TENM2: variants seen among roughly 807,000 people sequenced by gnomAD.
TENM2 encodes the protein teneurin-2.
TENM2 carries 52 observed loss-of-function variants against 245.2 expected under a neutral mutation model. The ratio of observed to expected loss-of-function variants is 0.21; its 90% CI spans 0.17 to 0.27. TENM2 has a LOEUF of 0.27. TENM2 is among the 10% of genes least tolerant of loss of function. TENM2 has a pLI of 1.00. For synonymous variants in TENM2, 1,363 were observed against 1,438.9 expected, an observed-to-expected ratio of 0.95 and a Z score of 1.19; for missense variants, 3,046 against 3,666.8, an observed-to-expected ratio of 0.83 and a Z score of 4.37.
At chr5:167,440,680 T>G (rs1764827017) in intron 2 of TENM2, among the ~76,000 whole-genome samples, 1 of 152,140 alleles carries the variant, frequency 6.6e-6, no homozygotes, top group Non-Finnish European at 1.5e-5. Flanking sequence ...CTTTTAATTT[T>G]CTTTTCCTTA....
intron 13 of TENM2, among the ~76,000 whole-genome samples, chr5:168,170,510 AAGAGAG>A (rs952342838): frequency 1.3e-5 from 2 of 151,210 alleles, no homozygotes; most frequent in Non-Finnish European, 3.0e-5. Flanking sequence ...CCATCTCAAA[AAGAGAG>A]AGAGAGAGAG....
chr5:168,238,221 GAAGAA>G (rs1182778870), intron 25 of TENM2, among the ~76,000 whole-genome samples: 1,137 of 24,152 alleles, frequency 0.047, 60 homozygotes, highest in Middle Eastern at 0.071. Flanking sequence ...GAGGGAGAGA[GAAGAA>G]AAGAAAAGAA....
chr5:167,117,364 G>A, the TENM2 span, among the ~76,000 whole-genome samples: 1 of 152,140 alleles, frequency 6.6e-6, no homozygotes, highest in Non-Finnish European at 1.5e-5. Context: ...TTAGCCAGGT[G>A]TGGTGGCGAG....
intron 2 of TENM2, among the ~76,000 whole-genome samples, chr5:167,417,712 A>G (rs1268320823): frequency 6.6e-6 from 1 of 152,092 alleles, no homozygotes; most frequent in Non-Finnish European, 1.5e-5. Flanking sequence ...CAACTTGCCC[A>G]CCAAAGTGAA....
the TENM2 span, among the ~76,000 whole-genome samples, chr5:167,206,357 C>T: frequency 6.6e-6 from 1 of 152,198 alleles, no homozygotes; most frequent in South Asian, 2.1e-4. Flanking sequence ...GAAAAGCTCT[C>T]ATGAGGGGAG....
chr5:167,986,733 G>A (rs1008327725), intron 4 of TENM2, among the ~76,000 whole-genome samples: 78 of 152,284 alleles, frequency 5.1e-4, no homozygotes, highest in African/African-American at 1.7e-3. Context: ...CCGACCGCTG[G>A]GAAGAAGTTC....
rs144180517 is a variant in TENM2 at position 167,961,192 on chromosome 5, A to G, written c.947+8370A>G. 2.0e-5 allele frequency among the ~76,000 whole-genome samples: 3 copies of G among 152,362 alleles called. No homozygotes were observed. In the East Asian group the frequency reaches 5.8e-4, roughly 29 times the overall value. ...TTATAGGTTATTTTTAACCATGTCTACAATCTTAATCTTTAAAGGTTAAAA... is the reference window on the plus strand; with the variant it reads ...TTATAGGTTATTTTTAACCATGTCTGCAATCTTAATCTTTAAAGGTTAAAA... On this transcript the variant is annotated intron_variant, in intron 4 of 28. Coordinates refer to ENST00000518659, the Ensembl canonical transcript of TENM2.
At chr5:167,116,969 G>C in the TENM2 span, among the ~76,000 whole-genome samples, 1 of 152,120 alleles carries the variant, frequency 6.6e-6, no homozygotes, top group Non-Finnish European at 1.5e-5. Context: ...ATCAGTTTTC[G>C]TTATTCAAAT....
intron 4 of TENM2, among the ~76,000 whole-genome samples, chr5:167,977,198 A>G (rs558829673): frequency 6.6e-6 from 1 of 152,148 alleles, no homozygotes; most frequent in Admixed American, 6.5e-5. Context: ...AAGAGAGAGG[A>G]TCAGAAGAAA....
intron 3 of TENM2, among the ~76,000 whole-genome samples, chr5:167,945,587 A>C (rs1779550852): frequency 6.6e-6 from 1 of 152,220 alleles, no homozygotes; most frequent in Non-Finnish European, 1.5e-5. Context: ...ACGTAGGCAG[A>C]GCGGAGGAAA....
At chr5:167,899,479 A>T (rs559142793) in intron 3 of TENM2, among the ~76,000 whole-genome samples, 7 of 152,370 alleles carry the variant, frequency 4.6e-5, no homozygotes, top group African/African-American at 1.7e-4. Context: ...GCTCCTGGCC[A>T]AGTGCCTTGC....
At chr5:167,639,390 A>G (rs1035061275) in intron 2 of TENM2, among the ~76,000 whole-genome samples, 1 of 152,204 alleles carries the variant, frequency 6.6e-6, no homozygotes, top group African/African-American at 2.4e-5. Context: ...CTTAGCCTAA[A>G]TCAGGTCATG....
chr5:167,461,658 T>G (rs908354413), intron 2 of TENM2, among the ~76,000 whole-genome samples: 3 of 152,214 alleles, frequency 2.0e-5, no homozygotes, highest in African/African-American at 7.2e-5. Context: ...GCCCTTCTCT[T>G]GCATGTATCT....
At chr5:167,218,265 T>A in the TENM2 span, among the ~76,000 whole-genome samples, 1 of 152,170 alleles carries the variant, frequency 6.6e-6, no homozygotes, top group Non-Finnish European at 1.5e-5. Context: ...TCTTAAAATC[T>A]GAGAATCAAT....
intron 2 of TENM2, among the ~76,000 whole-genome samples, chr5:167,795,505 G>T (rs55855842): frequency 6.6e-6 from 1 of 151,930 alleles, no homozygotes; most frequent in South Asian, 2.1e-4. Context: ...AATTAAGTTA[G>T]ATTTTGCAAG....
intron 2 of TENM2, among the ~76,000 whole-genome samples, chr5:167,640,857 A>C (rs145949755): frequency 1.7e-4 from 7 of 40,078 alleles, no homozygotes; most frequent in East Asian, 6.9e-4. Flanking sequence ...ATATATATAT[A>C]TCCATATATA....
At chr5:167,574,302 C>G (rs977134036) in intron 2 of TENM2, among the ~76,000 whole-genome samples, 1 of 152,172 alleles carries the variant, frequency 6.6e-6, no homozygotes, top group Non-Finnish European at 1.5e-5. Flanking sequence ...CAGAATAGCA[C>G]TTTGCATTAC....
At chr5:168,074,542 G>C (rs775127876) in intron 7 of TENM2, among the ~76,000 whole-genome samples, 2 of 152,156 alleles carry the variant, frequency 1.3e-5, no homozygotes, top group Non-Finnish European at 1.5e-5. Context: ...ATTCTCTGCT[G>C]TGTCTCCATC....
At chr5:167,658,771 A>G (rs1302750288) in intron 2 of TENM2, among the ~76,000 whole-genome samples, 1 of 152,190 alleles carries the variant, frequency 6.6e-6, no homozygotes, top group African/African-American at 2.4e-5. Context: ...AATGTTTGGA[A>G]TGGCCTGTAT....
Sources: gnomAD v4.1 joint callset for allele counts (sites outside exome capture counted in the v4.1 genomes callset) on GRCh38, gnomAD v4.1.1 for gene constraint, MANE v1.5 for transcripts, NCBI Gene and HGNC (gene_info 2026-07-23, HGNC 2026-07-21) for gene names.